TBL1XR1: variants seen among roughly 807,000 people sequenced by gnomAD.
The protein encoded by TBL1XR1 is TBL1X/Y related 1, also known as F-box-like/WD repeat-containing protein TBL1XR1.
A neutral mutation model predicts 66.9 loss-of-function variants in TBL1XR1; 5 were observed. The ratio of observed to expected loss-of-function variants is 0.07; its 90% CI spans 0.04 to 0.16. TBL1XR1 has a LOEUF of 0.16. Among genes scored for constraint, TBL1XR1 ranks in the 10% least tolerant of loss-of-function variants. TBL1XR1 has a pLI of 1.00. For synonymous variants in TBL1XR1, 210 were observed against 206.0 expected (o/e 1.02, Z -0.17); for missense variants, 238 against 623.2 (o/e 0.38, Z 6.58).
At chr3:177,095,037 A>T (rs1371182311) in intron 2 of TBL1XR1, among the ~76,000 whole-genome samples, 2 of 63,174 alleles carry the variant, frequency 3.2e-5, no homozygotes, top group African/African-American at 1.1e-4. Flanking sequence ...ATTCTGCCTT[A>T]AAAAAAAAAC....
chr3:177,160,871 C>T (rs1226755343), intron 1 of TBL1XR1: 1 of 151,846 alleles, frequency 6.6e-6, no homozygotes, highest in Non-Finnish European at 1.5e-5. Flanking sequence ...TAGTGCATAC[C>T]TGAGGTCCCA....
intron 14 of TBL1XR1, 37 bp downstream of exon 14, chr3:177,032,934 T>TCTACC (rs1457419803): frequency 3.4e-6 from 5 of 1,456,378 alleles, no homozygotes; most frequent in Non-Finnish European, 4.6e-6. Context: ...CTACCTAAAT[T>TCTACC]TAAGAGCACT....
At chr3:177,134,945 C>CTGTGTGTGTGTGTGTGTGTGTGTGTGTG (rs10662042) in intron 1 of TBL1XR1, among the ~76,000 whole-genome samples, 26 of 129,222 alleles carry the variant, frequency 2.0e-4, no homozygotes, top group East Asian at 5.1e-4. Flanking sequence ...CACTGCAAGG[C>CTGTGTGTGTGTGTGTGTGTGTGTGTGTG]TGTGTGTGTG....
chr3:177,184,953 CT>C (rs746258208), intron 1 of TBL1XR1, among the ~76,000 whole-genome samples: 1 of 152,170 alleles, frequency 6.6e-6, no homozygotes, highest in Non-Finnish European at 1.5e-5. Context: ...AGTTACAGCT[CT>C]TTAAGAACTG....
intron 1 of TBL1XR1, among the ~76,000 whole-genome samples, chr3:177,140,357 G>A (rs928448198): frequency 2.0e-5 from 3 of 152,114 alleles, no homozygotes; most frequent in Non-Finnish European, 4.4e-5. Flanking sequence ...TTCCCCAAAT[G>A]CATGCTACCA....
At chr3:177,039,912 G>A (rs536641094) in intron 10 of TBL1XR1, among the ~76,000 whole-genome samples, 2 of 152,254 alleles carry the variant, frequency 1.3e-5, no homozygotes, top group Non-Finnish European at 2.9e-5. Context: ...TCACTACAAG[G>A]GCAGAGCTGA....
At chr3:177,052,325 C>G (rs1371986195) in intron 4 of TBL1XR1, among the ~76,000 whole-genome samples, 1 of 152,134 alleles carries the variant, frequency 6.6e-6, no homozygotes, top group Non-Finnish European at 1.5e-5. Flanking sequence ...AAACACAGAA[C>G]AAGTCAGAAA....
rs1398079672 is a variant in TBL1XR1, at chr3:177,022,462, A to T, written c.*3036T>A. ...AATGGGAACTGGAACAAATATAAGA[A>T]CTTATGGGATTTCCTACACGGAGAC... On this transcript the variant is annotated 3_prime_UTR_variant, in exon 16 of 16. Coordinates refer to ENST00000457928, the MANE Select transcript of TBL1XR1 (RefSeq NM_024665.7). 1 of 152,424 alleles carries T rather than the reference A, an allele frequency of 6.6e-6. No homozygotes were observed. Among genetic ancestry groups the T allele is most frequent in the Non-Finnish European group, 1.5e-5 (1 of 67,932 alleles). The allele number at this position is 152,424 out of a possible 1,614,324, so 9.4% of individuals were successfully genotyped here. A position where few individuals can be genotyped will look rare whatever the true frequency, so the allele number is the denominator to read the frequency against.
intron 1 of TBL1XR1, among the ~76,000 whole-genome samples, chr3:177,142,166 G>A (rs1284201876): frequency 2.0e-5 from 3 of 152,132 alleles, no homozygotes; most frequent in Non-Finnish European, 4.4e-5. Context: ...TAGCCCAGGA[G>A]GCTTCTTGGC....
At chr3:177,033,639 T>A (rs754215831) in intron 13 of TBL1XR1, among the ~76,000 whole-genome samples, 7 of 152,110 alleles carry the variant, frequency 4.6e-5, no homozygotes, top group Admixed American at 2.0e-4. Flanking sequence ...GAAACAATAA[T>A]AAAACTCAGT....
intron 2 of TBL1XR1, among the ~76,000 whole-genome samples, chr3:177,067,867 A>C (rs1719373913): frequency 6.6e-6 from 1 of 152,200 alleles, no homozygotes; most frequent in Admixed American, 6.5e-5. Context: ...TATATAGCCA[A>C]ATGAACGCTC....
intron 2 of TBL1XR1, chr3:177,079,776 G>C (rs985493243): frequency 3.3e-5 from 5 of 151,120 alleles, no homozygotes; most frequent in African/African-American, 1.2e-4. Context: ...TAACTAATGA[G>C]GGTAGCAAAT....
chr3:177,042,935 C>T (rs144026283), intron 10 of TBL1XR1, among the ~76,000 whole-genome samples: 3 of 151,884 alleles, frequency 2.0e-5, no homozygotes, highest in Non-Finnish European at 1.5e-5. Context: ...CCTTTATTGA[C>T]ATATAATTCA....
At chr3:177,110,858 T>TTCTA (rs1725471811) in intron 1 of TBL1XR1, 1 of 152,212 alleles carries the variant, frequency 6.6e-6, no homozygotes, top group African/African-American at 2.4e-5. Context: ...GGAATACTTC[T>TTCTA]TCTAGATAGG....
intron 10 of TBL1XR1, among the ~76,000 whole-genome samples, chr3:177,039,075 A>C (rs1715209726): frequency 6.6e-6 from 1 of 152,230 alleles, no homozygotes; most frequent in African/African-American, 2.4e-5. Flanking sequence ...AAAACTAGTA[A>C]AAATACTGTA....
At chr3:177,132,681 G>A (rs186744819) in intron 1 of TBL1XR1, among the ~76,000 whole-genome samples, 15 of 152,266 alleles carry the variant, frequency 9.9e-5, no homozygotes, top group Admixed American at 8.5e-4. Flanking sequence ...ATGAAATGAG[G>A]TACAAATGAC....
intron 1 of TBL1XR1, among the ~76,000 whole-genome samples, chr3:177,187,853 T>TA (rs5854746): frequency 0.47 from 65,792 of 138,814 alleles, 16,526 homozygotes; most frequent in Non-Finnish European, 0.58. Flanking sequence ...ATTAAAAAGT[T>TA]AAAAAAAAAT....
At chr3:177,046,833 A>T (rs1716391434) in intron 9 of TBL1XR1, among the ~76,000 whole-genome samples, 1 of 152,184 alleles carries the variant, frequency 6.6e-6, no homozygotes, top group African/African-American at 2.4e-5. Flanking sequence ...GATAATCTTA[A>T]ACCTTTAGGA....
intron 2 of TBL1XR1, among the ~76,000 whole-genome samples, chr3:177,085,561 T>A (rs1722013719): frequency 6.6e-6 from 1 of 152,114 alleles, no homozygotes; most frequent in Admixed American, 6.5e-5. Flanking sequence ...GAAACACAAG[T>A]TCTCAGAAGT....
Sources: allele counts gnomAD v4.1 joint callset (sites outside exome capture counted in the v4.1 genomes callset), GRCh38; gene constraint gnomAD v4.1.1; transcripts MANE v1.5; gene names NCBI Gene and HGNC (gene_info 2026-07-23, HGNC 2026-07-21).